Variants in GALNT2 observed in about 807,000 individuals in gnomAD.
The protein encoded by GALNT2 is polypeptide N-acetylgalactosaminyltransferase 2, also known as UDP-GalNAc:polypeptide N-acetylgalactosaminyltransferase 2.
In GALNT2, 31 loss-of-function variants were observed where a neutral mutation model predicts 81.4. The observed-to-expected ratio is 0.38, with a 90% confidence interval of 0.29 to 0.51. The LOEUF is 0.51. GALNT2 is among the 20% of genes least tolerant of loss of function. GALNT2 has a pLI of 0.87. For synonymous variants in GALNT2, 303 were observed against 287.4 expected, an observed-to-expected ratio of 1.05 and a Z score of -0.55; for missense variants, 629 against 765.7, an observed-to-expected ratio of 0.82 and a Z score of 2.11.
intron 8 of GALNT2, among the ~76,000 whole-genome samples, chr1:230,248,809 A>G (rs1262692517): frequency 1.3e-5 from 2 of 152,132 alleles, no homozygotes; most frequent in South Asian, 4.2e-4. Context: ...CTTGATTTTC[A>G]TGTTGGATGC....
chr1:230,213,539 G>A (rs998013160), intron 3 of GALNT2, among the ~76,000 whole-genome samples: 32 of 152,264 alleles, frequency 2.1e-4, no homozygotes, highest in African/African-American at 7.5e-4. Flanking sequence ...TGTATCTTCT[G>A]TAAGTAGCCT....
At chr1:230,212,902 AG>A (rs1664277410) in intron 3 of GALNT2, among the ~76,000 whole-genome samples, 1 of 151,828 alleles carries the variant, frequency 6.6e-6, no homozygotes, top group African/African-American at 2.4e-5. Context: ...GAATGCATTG[AG>A]ACTGGTATAA....
chr1:230,279,421 C>T lies in GALNT2; in HGVS notation c.1679C>T (p.Ser560Leu), dbSNP rs763060989. ...GTGGAGGTGTGTGGCCCGGCCCTTT[C>T]GCAGCAGTGGAAGTTCACGCTCAAC... is the stretch of plus-strand genomic sequence containing the variant. ...LSVEVCGPAL[S>L]QQWKFTLNLQ... is the part of the protein sequence containing the mutation. Residue 560 changes from serine to leucine, a missense_variant, in exon 16 of 16, where the codon TCG becomes TTG. This residue lies in a region of GALNT2 where 207 missense variants were observed against 225.5 expected (regional missense o/e 0.92). Coordinates refer to ENST00000366672, the MANE Select transcript of GALNT2 (RefSeq NM_004481.5). This position sits in a 1 kb window ranked among gnomAD's most constrained non-coding sequence, Gnocchi z 4.6. 8.4e-5 allele frequency: 136 copies of T among 1,613,990 alleles called. No homozygotes were observed. Among genetic ancestry groups the T allele is most frequent in the Non-Finnish European group, 1.1e-4 (129 of 1,180,032 alleles).
At chr1:230,256,302 C>T (rs190332898) in intron 11 of GALNT2, among the ~76,000 whole-genome samples, 29 of 152,164 alleles carry the variant, frequency 1.9e-4, no homozygotes, top group Middle Eastern at 3.4e-3. Context: ...AAAAATTAAC[C>T]GGGCATAGTG....
At chr1:230,250,339 G>C in intron 9 of GALNT2, 118 bp from the exon 10 acceptor site, 1 of 740,374 alleles carries the variant, frequency 1.4e-6, no homozygotes, top group African/African-American at 1.7e-5. Context: ...CAGTGTGGCT[G>C]TTCTGAAGAT....
At chr1:230,170,019 G>T (rs1054994673) in intron 1 of GALNT2, among the ~76,000 whole-genome samples, 1 of 152,198 alleles carries the variant, frequency 6.6e-6, no homozygotes, top group Non-Finnish European at 1.5e-5. Flanking sequence ...CCCTAAAGTT[G>T]TAATTATATT....
In GALNT2 at chr1:230,222,808, GA is replaced by G. The variant is rs562219569; in HGVS notation, c.375-13205del. Among the ~76,000 whole-genome samples the G allele has an allele frequency of 3.7e-3, 561 of 152,272 alleles. 5 individuals carry two copies. The highest frequency in any genetic ancestry group is 0.013 in the African/African-American group (523 of 41,542). On this transcript the variant is annotated intron_variant, in intron 3 of 15. Coordinates refer to ENST00000366672, the MANE Select transcript of GALNT2 (RefSeq NM_004481.5). Reference sequence around the variant, plus strand: ...CATTTAATTCTCACAGCAACCCTATGAGGCATAGGTACTGTTGTTATTGTTA... The same window carrying G: ...CATTTAATTCTCACAGCAACCCTATGGGCATAGGTACTGTTGTTATTGTTA...
intron 1 of GALNT2, among the ~76,000 whole-genome samples, chr1:230,149,420 C>T (rs1257996882): frequency 2.0e-5 from 3 of 152,090 alleles, no homozygotes; most frequent in East Asian, 3.9e-4. Flanking sequence ...CTGCCAATAG[C>T]TTGGTGGTTT....
chr1:230,086,758 C>G (rs1659910057), intron 1 of GALNT2, among the ~76,000 whole-genome samples: 2 of 152,082 alleles, frequency 1.3e-5, no homozygotes, highest in African/African-American at 4.8e-5. Flanking sequence ...GGGGCACAGC[C>G]CTTTGTACTC....
At chr1:230,192,586 T>TGG (rs746531279) in intron 2 of GALNT2, among the ~76,000 whole-genome samples, 1 of 152,252 alleles carries the variant, frequency 6.6e-6, no homozygotes, top group Non-Finnish European at 1.5e-5. Context: ...TGAAGAATTT[T>TGG]CATTTCAAAT....
chr1:230,227,448 C>T (rs1664747336), intron 3 of GALNT2, among the ~76,000 whole-genome samples: 1 of 148,142 alleles, frequency 6.8e-6, no homozygotes, highest in Non-Finnish European at 1.5e-5. Flanking sequence ...TATATATATG[C>T]TATATAATAC....
At chr1:230,265,910 C>T (rs963936705) in intron 14 of GALNT2, among the ~76,000 whole-genome samples, 5 of 152,328 alleles carry the variant, frequency 3.3e-5, no homozygotes, top group Admixed American at 2.0e-4. Flanking sequence ...AATGCACAAC[C>T]GCCAGGCGCC....
At chr1:230,068,401 T>G (rs900234585) in intron 1 of GALNT2, among the ~76,000 whole-genome samples, 1 of 152,250 alleles carries the variant, frequency 6.6e-6, no homozygotes, top group African/African-American at 2.4e-5. Flanking sequence ...ACGTTTGTAG[T>G]GTTTTACTGG....
chr1:230,227,326 T>A (rs150723515), intron 3 of GALNT2, among the ~76,000 whole-genome samples: 2 of 152,100 alleles, frequency 1.3e-5, no homozygotes, highest in African/African-American at 4.8e-5. Flanking sequence ...CCTTCAGTAG[T>A]ATCTAGCTAT....
intron 3 of GALNT2, among the ~76,000 whole-genome samples, chr1:230,216,472 C>T (rs1664392918): frequency 6.6e-6 from 1 of 152,194 alleles, no homozygotes. Context: ...GGAGTTGTCT[C>T]ACCCCGTTGC....
At chr1:230,141,611 C>T (rs376154790) in intron 1 of GALNT2, among the ~76,000 whole-genome samples, 8 of 151,990 alleles carry the variant, frequency 5.3e-5, no homozygotes, top group Non-Finnish European at 8.8e-5. Flanking sequence ...TGTTGTAGCG[C>T]GCGTCAGAGT....
intron 2 of GALNT2, among the ~76,000 whole-genome samples, chr1:230,200,673 G>A (rs931758521): frequency 6.6e-6 from 1 of 152,190 alleles, no homozygotes; most frequent in African/African-American, 2.4e-5. Flanking sequence ...CTTATCCCAT[G>A]GCCACTGCTC....
At chr1:230,126,852 G>T (rs1661199526) in intron 1 of GALNT2, among the ~76,000 whole-genome samples, 1 of 152,194 alleles carries the variant, frequency 6.6e-6, no homozygotes, top group African/African-American at 2.4e-5. Context: ...ACCCAGCGCA[G>T]GTTCAGCAGT....
chr1:230,154,414 G>A (rs961716751), intron 1 of GALNT2, among the ~76,000 whole-genome samples: 3 of 152,158 alleles, frequency 2.0e-5, no homozygotes, highest in African/African-American at 4.8e-5. Context: ...GTGCCAAACC[G>A]GCACAGGTGA....
Sources: gnomAD v4.1 joint callset for allele counts (sites outside exome capture counted in the v4.1 genomes callset) on GRCh38, gnomAD v4.1.1 for gene constraint, gnomAD v4.1.1 regional missense constraint, Gnocchi (gnomAD v3.1) non-coding constraint, MANE v1.5 for transcripts, NCBI Gene and HGNC (gene_info 2026-07-23, HGNC 2026-07-21) for gene names.